Variants in CRB1 observed in about 807,000 individuals in gnomAD.
CRB1 encodes crumbs cell polarity complex component 1.
Under a neutral mutation model 120.0 loss-of-function variants are expected in CRB1, and 83 were observed. That is an observed-to-expected ratio of 0.69 (90% CI 0.58 to 0.83). The LOEUF (loss-of-function observed/expected upper bound fraction) is 0.83, where lower values mean the gene tolerates loss of function less well. Ranked by LOEUF, CRB1 falls within the 40% of genes least tolerant of loss-of-function variation. CRB1 has a pLI of 0.00. For missense variants in CRB1, 1,699 were observed against 1,687.6 expected, an observed-to-expected ratio of 1.01 and a Z score of -0.12; for synonymous variants, 625 against 612.5, an observed-to-expected ratio of 1.02 and a Z score of -0.30.
At chr1:197,313,955 A>T (rs1657697231) in intron 1 of CRB1, among the ~76,000 whole-genome samples, 1 of 152,220 alleles carries the variant, frequency 6.6e-6, no homozygotes, top group African/African-American at 2.4e-5. Context: ...AAATTTTAAA[A>T]GGGTAACAGA....
chr1:197,363,936 G>C, intron 5 of CRB1: 1 of 1,317,774 alleles, frequency 7.6e-7, no homozygotes, highest in Non-Finnish European at 1.1e-6. Context: ...AGGACATTAA[G>C]CTTCGGCGGT....
chr1:197,336,140 A>T (rs2786112), intron 2 of CRB1, among the ~76,000 whole-genome samples: 106,697 of 152,066 alleles, frequency 0.7, 37,672 homozygotes, highest in East Asian at 0.93. Context: ...TTTAATGATA[A>T]TTCCTGTTCC....
intron 1 of CRB1, among the ~76,000 whole-genome samples, chr1:197,308,681 G>T (rs916040003): frequency 3.3e-5 from 5 of 151,912 alleles, no homozygotes; most frequent in African/African-American, 9.6e-5. Flanking sequence ...TTAGTTGTAT[G>T]ATGAGGATTA....
the CRB1 span, among the ~76,000 whole-genome samples, chr1:197,255,983 A>AT: frequency 1.5e-3 from 192 of 132,360 alleles, no homozygotes; most frequent in African/African-American, 5.0e-3. Context: ...ATATATATAT[A>AT]TATATATATA....
chr1:197,307,301 T>C (rs2125264683), intron 1 of CRB1, among the ~76,000 whole-genome samples: 1 of 152,318 alleles, frequency 6.6e-6, no homozygotes, highest in African/African-American at 2.4e-5. Context: ...TTTTTACAAC[T>C]GCAAATGAGG....
chr1:197,343,784 C>T (rs770711920), intron 2 of CRB1, among the ~76,000 whole-genome samples: 2 of 152,098 alleles, frequency 1.3e-5, no homozygotes, highest in Non-Finnish European at 2.9e-5. Context: ...TTACCACTAT[C>T]GTCTTTTTCA....
At chr1:197,283,545 A>G (rs1000455156) in intron 1 of CRB1, among the ~76,000 whole-genome samples, 37 of 151,766 alleles carry the variant, frequency 2.4e-4, no homozygotes, top group African/African-American at 8.5e-4. Context: ...CTCTAATTCC[A>G]CCCAAGTTGC....
At chr1:197,457,448 C>G (rs1666333447) in intron 11 of CRB1, among the ~76,000 whole-genome samples, 1 of 152,142 alleles carries the variant, frequency 6.6e-6, no homozygotes, top group African/African-American at 2.4e-5. Context: ...CCCGGAGCAT[C>G]TGCATCTATT....
the CRB1 span, among the ~76,000 whole-genome samples, chr1:197,218,695 G>A: frequency 1.3e-5 from 2 of 152,126 alleles, no homozygotes; most frequent in African/African-American, 2.4e-5. Context: ...AGGAGAGCAG[G>A]ACATGATACA....
At chr1:197,217,776 C>T in the CRB1 span, among the ~76,000 whole-genome samples, 1 of 152,056 alleles carries the variant, frequency 6.6e-6, no homozygotes, top group Non-Finnish European at 1.5e-5. Context: ...ATACTAAAAT[C>T]CATCAAATTG....
intron 5 of CRB1, among the ~76,000 whole-genome samples, chr1:197,415,639 TTC>T (rs1349213278): frequency 0.035 from 3,947 of 113,298 alleles, 252 homozygotes; most frequent in African/African-American, 0.14. Flanking sequence ...CTTTTTTCTT[TTC>T]TTTTTTTTTT....
intron 1 of CRB1, among the ~76,000 whole-genome samples, chr1:197,291,803 T>C (rs1656198580): frequency 2.6e-5 from 4 of 151,804 alleles, no homozygotes; most frequent in Non-Finnish European, 5.9e-5. Context: ...GCAAGTTTCA[T>C]TCCATAATGC....
At chr1:197,353,491 C>G (rs1367336331) in intron 4 of CRB1, among the ~76,000 whole-genome samples, 1 of 152,158 alleles carries the variant, frequency 6.6e-6, no homozygotes, top group Non-Finnish European at 1.5e-5. Flanking sequence ...GGGCCTTAGG[C>G]GACTGTGAAG....
At chr1:197,206,429 C>A in the CRB1 span, among the ~76,000 whole-genome samples, 3 of 152,138 alleles carry the variant, frequency 2.0e-5, no homozygotes, top group African/African-American at 7.2e-5. Flanking sequence ...TTTGCTGTAT[C>A]CCAGAGGTTT....
intron 5 of CRB1, among the ~76,000 whole-genome samples, chr1:197,405,219 G>A (rs1472396976): frequency 6.6e-6 from 1 of 152,148 alleles, no homozygotes; most frequent in African/African-American, 2.4e-5. Flanking sequence ...GCGATTGCAG[G>A]CGCGCGCCGC....
chr1:197,392,766 T>C (rs1291898169), intron 5 of CRB1, among the ~76,000 whole-genome samples: 1 of 152,116 alleles, frequency 6.6e-6, no homozygotes, highest in African/African-American at 2.4e-5. Flanking sequence ...ACATAAAATA[T>C]GCAAAGTTCA....
At chr1:197,398,690 G>C (rs1212693471) in intron 5 of CRB1, among the ~76,000 whole-genome samples, 1 of 151,926 alleles carries the variant, frequency 6.6e-6, no homozygotes, top group East Asian at 1.9e-4. Context: ...AAGAGGTTTG[G>C]GTATAAAGTG....
chr1:197,450,895 G>A (rs1665937207), intron 11 of CRB1, among the ~76,000 whole-genome samples: 1 of 141,962 alleles, frequency 7.0e-6, no homozygotes, highest in South Asian at 2.2e-4. Context: ...GGGGGGCGGA[G>A]CTTGCGGTGA....
At chr1:197,462,887 T>TA (rs1199165844) in intron 11 of CRB1, among the ~76,000 whole-genome samples, 4 of 8,138 alleles carry the variant, frequency 4.9e-4, no homozygotes, top group African/African-American at 7.2e-4. Context: ...CCAATGCAGA[T>TA]CTTTTTTTTT....
Sources: allele counts gnomAD v4.1 joint callset (sites outside exome capture counted in the v4.1 genomes callset), GRCh38; gene constraint gnomAD v4.1.1; transcripts MANE v1.5; gene names NCBI Gene and HGNC (gene_info 2026-07-23, HGNC 2026-07-21).